GRAMD2B: variants seen among roughly 807,000 people sequenced by gnomAD.
GRAMD2B encodes GRAM domain-containing protein 2B.
In GRAMD2B, 41 loss-of-function variants were observed where a neutral mutation model predicts 59.2. That is an observed-to-expected ratio of 0.69 (90% CI 0.54 to 0.90). The LOEUF (loss-of-function observed/expected upper bound fraction) is 0.90, where lower values mean the gene tolerates loss of function less well. GRAMD2B is among the 40% of genes least tolerant of loss of function. The probability of loss-of-function intolerance (pLI) is 0.00; values close to 1 mark genes in which losing one functional copy is unlikely to be tolerated. For synonymous variants in GRAMD2B, 161 were observed against 182.7 expected (o/e 0.88, Z 0.96); for missense variants, 424 against 500.5 (o/e 0.85, Z 1.46).
At chr5:126,383,451 A>G (rs1231202941) in intron 1 of GRAMD2B, among the ~76,000 whole-genome samples, 1 of 152,212 alleles carries the variant, frequency 6.6e-6, no homozygotes, top group Non-Finnish European at 1.5e-5. Context: ...GCTTATATAT[A>G]GCCCAGCAGT....
intron 1 of GRAMD2B, among the ~76,000 whole-genome samples, chr5:126,362,017 T>C (rs1754244522): frequency 6.6e-6 from 1 of 152,216 alleles, no homozygotes; most frequent in Admixed American, 6.5e-5. Context: ...ACCCCAAATG[T>C]GGTGACCTTT....
chr5:126,432,655 G>A (rs1335709016), intron 1 of GRAMD2B, among the ~76,000 whole-genome samples: 1 of 152,036 alleles, frequency 6.6e-6, no homozygotes, highest in African/African-American at 2.4e-5. Context: ...ATACAGTGTG[G>A]TCCTCAAAGA....
intron 13 of GRAMD2B, among the ~76,000 whole-genome samples, chr5:126,489,222 G>A (rs1308304636): frequency 1.3e-5 from 2 of 152,176 alleles, no homozygotes; most frequent in Non-Finnish European, 2.9e-5. Flanking sequence ...AGTAGGGAGT[G>A]AACTGGAGAC....
chr5:126,360,315 C>T (rs1337543434), exon 1 of GRAMD2B: 6 of 1,550,646 alleles, frequency 3.9e-6, no homozygotes, highest in Admixed American at 2.0e-5. Flanking sequence ...TCTTGAAGAT[C>T]ACCTGGCCTC....
At chr5:126,407,567 G>A (rs1265236506) in intron 1 of GRAMD2B, among the ~76,000 whole-genome samples, 1 of 151,958 alleles carries the variant, frequency 6.6e-6, no homozygotes, top group African/African-American at 2.4e-5. Flanking sequence ...TGAGTTAAAC[G>A]TAAAAATGGC....
At chr5:126,416,134 C>G (rs1759247154) in intron 1 of GRAMD2B, among the ~76,000 whole-genome samples, 1 of 152,106 alleles carries the variant, frequency 6.6e-6, no homozygotes, top group African/African-American at 2.4e-5. Flanking sequence ...TTCCATAACC[C>G]TAAATTGTTG....
At chr5:126,484,313 C>T (rs912498155) in intron 9 of GRAMD2B, 89 bp from the exon 10 acceptor site, 23 of 1,416,114 alleles carry the variant, frequency 1.6e-5, no homozygotes, top group Non-Finnish European at 2.0e-5. Context: ...GACCATTATG[C>T]ATGTTAAGGG....
chr5:126,451,472 C>T (rs1765362341), intron 1 of GRAMD2B, among the ~76,000 whole-genome samples: 1 of 152,074 alleles, frequency 6.6e-6, no homozygotes, highest in Non-Finnish European at 1.5e-5. Context: ...TTCTTTTGGC[C>T]GACTTCTCCT....
intron 1 of GRAMD2B, among the ~76,000 whole-genome samples, chr5:126,363,281 A>G (rs1020682659): frequency 6.6e-6 from 1 of 152,018 alleles, no homozygotes; most frequent in African/African-American, 2.4e-5. Flanking sequence ...GCCACTTCAT[A>G]CCCACTCGAA....
chr5:126,440,085 C>G (rs1327436940), intron 1 of GRAMD2B, among the ~76,000 whole-genome samples: 1 of 152,046 alleles, frequency 6.6e-6, no homozygotes, highest in African/African-American at 2.4e-5. Context: ...TGGACTAATA[C>G]AGTCAATTAC....
chr5:126,370,868 AT>A (rs1428426594), upstream of GRAMD2B, among the ~76,000 whole-genome samples: 1 of 152,238 alleles, frequency 6.6e-6, no homozygotes, highest in Admixed American at 6.5e-5. Flanking sequence ...CTTTGTGTAT[AT>A]CACTTCCATA....
intron 1 of GRAMD2B, among the ~76,000 whole-genome samples, chr5:126,409,565 T>G (rs1386511395): frequency 1.3e-5 from 2 of 152,190 alleles, no homozygotes; most frequent in Admixed American, 1.3e-4. Context: ...TTTGTTTGAG[T>G]TCATTGTAGG....
At chr5:126,364,764 C>T (rs1198716806) in intron 1 of GRAMD2B, among the ~76,000 whole-genome samples, 1 of 152,204 alleles carries the variant, frequency 6.6e-6, no homozygotes, top group Non-Finnish European at 1.5e-5. Flanking sequence ...CCTCTATATC[C>T]TCTATCATCT....
At chr5:126,383,905 T>C (rs975298801) in intron 1 of GRAMD2B, among the ~76,000 whole-genome samples, 1 of 152,152 alleles carries the variant, frequency 6.6e-6, no homozygotes, top group Non-Finnish European at 1.5e-5. Context: ...CAGAGAGAAC[T>C]ACGTGAGATT....
upstream of GRAMD2B, among the ~76,000 whole-genome samples, chr5:126,369,099 A>G (rs73330494): frequency 5.9e-5 from 9 of 152,184 alleles, no homozygotes; most frequent in Admixed American, 2.6e-4. Context: ...TCACACACAT[A>G]CCTGGTCCAT....
chr5:126,376,033 G>T (rs1278811823), intron 1 of GRAMD2B, among the ~76,000 whole-genome samples: 3 of 152,294 alleles, frequency 2.0e-5, no homozygotes, highest in East Asian at 3.9e-4. Flanking sequence ...AACGTCTATA[G>T]GTAGTTGACT....
chr5:126,412,090 A>T (rs956271107), intron 1 of GRAMD2B, among the ~76,000 whole-genome samples: 3 of 151,992 alleles, frequency 2.0e-5, no homozygotes, highest in African/African-American at 7.2e-5. Flanking sequence ...TCCTATTTGG[A>T]TGCCTTTTAT....
intron 2 of GRAMD2B, 76 bp from the exon 3 acceptor site, chr5:126,469,601 C>A: frequency 1.0e-6 from 1 of 959,556 alleles, no homozygotes; most frequent in Non-Finnish European, 1.6e-6. Flanking sequence ...TGCTGCTGCA[C>A]TTCAGCCTGG....
intron 1 of GRAMD2B, chr5:126,465,084 T>A (rs1024313082): frequency 8.8e-6 from 10 of 1,133,178 alleles, no homozygotes; most frequent in African/African-American, 6.4e-5. Context: ...TGTGTACATG[T>A]GCGTGTGTGC....
Sources: gnomAD v4.1 joint callset for allele counts (sites outside exome capture counted in the v4.1 genomes callset) on GRCh38, gnomAD v4.1.1 for gene constraint, MANE v1.5 for transcripts, NCBI Gene and HGNC (gene_info 2026-07-23, HGNC 2026-07-21) for gene names.